SDK1: variants seen among roughly 807,000 people sequenced by gnomAD.
SDK1 encodes protein sidekick-1.
In SDK1, 157 loss-of-function variants were observed where a neutral mutation model predicts 245.5. The observed-to-expected ratio is 0.64, with a 90% confidence interval of 0.56 to 0.73. The LOEUF is 0.73. SDK1 is among the 30% of genes least tolerant of loss of function. The probability of loss-of-function intolerance (pLI) is 0.00; values close to 1 mark genes in which losing one functional copy is unlikely to be tolerated. For missense variants in SDK1, 3,583 were observed against 3,002.3 expected, an observed-to-expected ratio of 1.19 and a Z score of -4.52; for synonymous variants, 1,647 against 1,278.5, an observed-to-expected ratio of 1.29 and a Z score of -6.15.
intron 5 of SDK1, among the ~76,000 whole-genome samples, chr7:3,906,971 C>CT (rs1213437630): frequency 2.0e-5 from 3 of 152,104 alleles, no homozygotes; most frequent in Non-Finnish European, 2.9e-5. Context: ...ATGCTGTCTT[C>CT]TTTTCTCCAT....
chr7:4,048,329 T>C (rs966174927), intron 17 of SDK1, among the ~76,000 whole-genome samples: 1 of 152,144 alleles, frequency 6.6e-6, no homozygotes, highest in Non-Finnish European at 1.5e-5. Flanking sequence ...TGCAGGCCAC[T>C]GGGGTTCCCA....
rs138883393 is a variant in SDK1 at position 3,919,535 on chromosome 7, T to A, written c.848-31388T>A. 1.1e-4 allele frequency among the ~76,000 whole-genome samples: 17 copies of A among 152,302 alleles called. No individual in the cohort carries two copies. The East Asian group carries it at 3.3e-3, about 29-fold the overall frequency. ...TCCCTGGTGAACTGAAAGAGCACCC[T>A]CCCTGGTGAACTGAAAGATAGACAA... is the stretch of plus-strand genomic sequence containing the variant. On this transcript the variant is annotated intron_variant, in intron 5 of 44. Coordinates refer to ENST00000404826, the MANE Select transcript of SDK1 (RefSeq NM_152744.4).
chr7:4,050,439 G>A (rs770256501), intron 18 of SDK1, among the ~76,000 whole-genome samples: 3 of 152,318 alleles, frequency 2.0e-5, no homozygotes, highest in South Asian at 2.1e-4. Flanking sequence ...GTCGAGTCTC[G>A]TTGGCAAGGC....
chr7:3,501,032 TG>T (rs1323435445), intron 1 of SDK1, among the ~76,000 whole-genome samples: 4 of 152,202 alleles, frequency 2.6e-5, no homozygotes, highest in Non-Finnish European at 5.9e-5. Flanking sequence ...ATTACTGTTT[TG>T]ATTTCTAACT....
rs78165853 is a variant in SDK1, at chr7:3,530,634, A to G, written c.299-88446A>G. ...GTGATAACATTAAAAATACTTTCAC[A>G]TAGATAGGCATGTGAAATATATTAT... On this transcript the variant is annotated intron_variant, in intron 1 of 44. Transcript: ENST00000404826. Among the ~76,000 whole-genome samples the G allele has an allele frequency of 5.1e-3, 771 of 151,910 alleles. 6 individuals carry two copies. Among genetic ancestry groups the G allele is most frequent in the South Asian group, 0.018 (86 of 4,826 alleles).
At chr7:3,731,568 A>G (rs1185353540) in intron 4 of SDK1, among the ~76,000 whole-genome samples, 1 of 152,156 alleles carries the variant, frequency 6.6e-6, no homozygotes, top group Admixed American at 6.5e-5. Context: ...TGTGGTTGAG[A>G]TGCACCTGAG....
At chr7:3,762,423 A>C (rs1415008244) in intron 4 of SDK1, among the ~76,000 whole-genome samples, 1 of 152,260 alleles carries the variant, frequency 6.6e-6, no homozygotes, top group East Asian at 1.9e-4. Context: ...CGTAGGTAAA[A>C]GCAAAAAACA....
chr7:3,780,272 G>C (rs1472416203), intron 4 of SDK1, among the ~76,000 whole-genome samples: 1 of 152,186 alleles, frequency 6.6e-6, no homozygotes, highest in African/African-American at 2.4e-5. Context: ...AAGAGAACCA[G>C]AGGCAGTCAT....
chr7:4,139,705 ATGTGTGTGTGTGTGTATG>A (rs1562872819), intron 28 of SDK1, among the ~76,000 whole-genome samples: 9 of 111,872 alleles, frequency 8.0e-5, no homozygotes, highest in African/African-American at 2.8e-4. Context: ...GTGTGTGTGT[ATGTGTGTGTGTGTGTATG>A]TGTGTGTGTG....
intron 30 of SDK1, among the ~76,000 whole-genome samples, chr7:4,154,850 T>A (rs969893164): frequency 1.3e-5 from 2 of 150,736 alleles, no homozygotes; most frequent in Admixed American, 6.6e-5. Flanking sequence ...TTGGGAGGAG[T>A]TAGAAGGGTT....
intron 1 of SDK1, among the ~76,000 whole-genome samples, chr7:3,567,148 T>A (rs1235209018): frequency 2.0e-5 from 3 of 152,204 alleles, no homozygotes; most frequent in Non-Finnish European, 4.4e-5. Flanking sequence ...GTATTTACAT[T>A]GTTAGGTTTT....
intron 1 of SDK1, among the ~76,000 whole-genome samples, chr7:3,483,339 T>G (rs896206795): frequency 5.3e-5 from 8 of 152,198 alleles, no homozygotes; most frequent in Non-Finnish European, 8.8e-5. Flanking sequence ...ATACCCACTT[T>G]TCCATTTATG....
intron 4 of SDK1, among the ~76,000 whole-genome samples, chr7:3,671,802 A>T (rs1398163352): frequency 1.3e-5 from 2 of 152,268 alleles, no homozygotes; most frequent in Non-Finnish European, 2.9e-5. Context: ...AAGTGAAATT[A>T]TAACGCCAGT....
intron 14 of SDK1, among the ~76,000 whole-genome samples, chr7:4,004,867 A>G (rs61436616): frequency 0.013 from 1,786 of 141,024 alleles, 32 homozygotes; most frequent in African/African-American, 0.047. Flanking sequence ...GGATCCAAAC[A>G]TGGTCCATCC....
intron 1 of SDK1, among the ~76,000 whole-genome samples, chr7:3,385,405 C>T (rs939866953): frequency 2.0e-5 from 3 of 151,990 alleles, no homozygotes; most frequent in Non-Finnish European, 4.4e-5. Flanking sequence ...GGTGAAGATA[C>T]TAATTTTCAT....
intron 4 of SDK1, among the ~76,000 whole-genome samples, chr7:3,820,537 C>A: frequency 6.6e-6 from 1 of 152,200 alleles, no homozygotes; most frequent in East Asian, 1.9e-4. Context: ...TCCCATAAAA[C>A]ACCCATTTCA....
chr7:3,924,983 G>A (rs886702676), intron 5 of SDK1, among the ~76,000 whole-genome samples: 1 of 152,138 alleles, frequency 6.6e-6, no homozygotes, highest in Non-Finnish European at 1.5e-5. Context: ...CCTCTCCAGG[G>A]CTCTGGGACC....
Position 3,516,678 on chromosome 7 carries a change from T to G in SDK1, c.299-102402T>G, listed in dbSNP as rs551745026. On this transcript the variant is annotated intron_variant, in intron 1 of 44. Coordinates refer to ENST00000404826, the MANE Select transcript of SDK1 (RefSeq NM_152744.4). ...AGGTTGTAATAGTCTTTTGGATGAA[T>G]TATGTGTTTGTATAAATGATAATTT... is the stretch of plus-strand genomic sequence containing the variant. Among the ~76,000 whole-genome samples the G allele has an allele frequency of 2.0e-5, 3 of 152,272 alleles. No individual in the cohort carries two copies. The East Asian group carries it at 5.8e-4, about 29-fold the overall frequency.
chr7:3,674,140 A>C (rs1181307952), intron 4 of SDK1, among the ~76,000 whole-genome samples: 7 of 152,208 alleles, frequency 4.6e-5, no homozygotes, highest in African/African-American at 1.7e-4. Flanking sequence ...CAATGTGTAT[A>C]CTGAAATTGT....
Sources: gnomAD v4.1 joint callset for allele counts (sites outside exome capture counted in the v4.1 genomes callset) on GRCh38, gnomAD v4.1.1 for gene constraint, MANE v1.5 for transcripts, NCBI Gene and HGNC (gene_info 2026-07-23, HGNC 2026-07-21) for gene names.